MNS1: variants seen among roughly 807,000 people sequenced by gnomAD.
MNS1 encodes the protein meiosis specific nuclear structural 1, also known as meiosis-specific nuclear structural protein 1.
MNS1 carries 63 observed loss-of-function variants against 72.0 expected under a neutral mutation model. That is an observed-to-expected ratio of 0.87 (90% CI 0.71 to 1.08). The LOEUF (loss-of-function observed/expected upper bound fraction) is 1.08, where lower values mean the gene tolerates loss of function less well. Among genes scored for constraint, MNS1 ranks in the 50% least tolerant of loss-of-function variants. The probability of loss-of-function intolerance (pLI) is 0.00; values close to 1 mark genes in which losing one functional copy is unlikely to be tolerated. For synonymous variants in MNS1, 188 were observed against 172.1 expected, an observed-to-expected ratio of 1.09 and a Z score of -0.72; for missense variants, 604 against 562.4, an observed-to-expected ratio of 1.07 and a Z score of -0.75.
intron 3 of MNS1, among the ~76,000 whole-genome samples, chr15:56,449,204 A>C (rs2050930161): frequency 6.6e-6 from 1 of 152,104 alleles, no homozygotes; most frequent in Non-Finnish European, 1.5e-5. Flanking sequence ...AAGATGACTA[A>C]AAGCTGTCAG....
intron 2 of MNS1, among the ~76,000 whole-genome samples, chr15:56,461,196 A>G (rs2051018079): frequency 6.6e-6 from 1 of 152,154 alleles, no homozygotes; most frequent in Non-Finnish European, 1.5e-5. Flanking sequence ...ATGGATTTAA[A>G]TGCTAATCTC....
intron 3 of MNS1, among the ~76,000 whole-genome samples, chr15:56,451,269 C>G (rs1057145139): frequency 2.0e-5 from 3 of 152,196 alleles, no homozygotes; most frequent in Non-Finnish European, 2.9e-5. Context: ...AAGATCTGCT[C>G]TGCTCCTCCT....
In MNS1 at chr15:56,443,763, GTTTCT is replaced by G; in HGVS notation, c.773_777del (p.Lys258ThrfsTer2). 6.2e-7 allele frequency: 1 copy of G among 1,612,738 alleles called. No homozygotes were observed. The highest frequency in any genetic ancestry group is 8.5e-7 in the Non-Finnish European group (1 of 1,179,574). ...CTGTTTTCTTCTTCCATCTCCTCAC[GTTTCT>G]TTTTTCTCCAGAGAGCCTGCTCTTT... On this transcript the variant is annotated frameshift_variant, in exon 6 of 10. Transcript: ENST00000260453. LOFTEE classifies it high-confidence loss of function.
intron 2 of MNS1, among the ~76,000 whole-genome samples, chr15:56,460,027 T>TATATAC (rs2051010386): frequency 1.1e-5 from 1 of 90,948 alleles, no homozygotes; most frequent in East Asian, 2.9e-4. Context: ...TATATATATA[T>TATATAC]ATATATATGT....
intron 2 of MNS1, among the ~76,000 whole-genome samples, chr15:56,462,888 T>C (rs1482099651): frequency 6.6e-6 from 1 of 152,162 alleles, no homozygotes; most frequent in African/African-American, 2.4e-5. Context: ...TGGGATATTC[T>C]TTCAAATTAA....
In MNS1 at chr15:56,428,845, G is replaced by T. The variant is rs2050456516; in HGVS notation, c.*256C>A. On this transcript the variant is annotated 3_prime_UTR_variant, in exon 10 of 10. Transcript: ENST00000260453. ...CTGTATTAGTCAAGGTAAATATACT[G>T]TCTTGAGGATGGGGATGCAAACAGT... The T allele has an allele frequency of 4.8e-6, 2 of 418,856 alleles. No homozygotes were observed. Among genetic ancestry groups the T allele is most frequent in the South Asian group, 7.8e-5 (2 of 25,668 alleles). The allele number at this position is 418,856 out of a possible 1,614,324, so 25.9% of individuals were successfully genotyped here.
intron 8 of MNS1, among the ~76,000 whole-genome samples, chr15:56,432,466 T>C (rs795790): frequency 0.42 from 63,686 of 152,000 alleles, 13,905 homozygotes; most frequent in Middle Eastern, 0.55. Context: ...TTAGACCTTA[T>C]AGGATTGTAT....
chr15:56,429,571 T>G (rs1194943446), intron 9 of MNS1: 2 of 156,310 alleles, frequency 1.3e-5, no homozygotes, highest in African/African-American at 4.8e-5. Context: ...GATTCATGCA[T>G]GGGATTAGTT....
chr15:56,437,643 GGGT>G (rs2050750076), intron 7 of MNS1, among the ~76,000 whole-genome samples: 1 of 152,116 alleles, frequency 6.6e-6, no homozygotes, highest in Non-Finnish European at 1.5e-5. Context: ...AAGAAAGAAA[GGGT>G]ATTCAATTAG....
At position 56,443,872 on chromosome 15, in the gene MNS1, G is replaced by T; in HGVS notation, c.687-18C>A. 3 of 1,545,272 alleles carry T rather than the reference G, an allele frequency of 1.9e-6. No homozygotes were observed. The highest frequency in any genetic ancestry group is 2.6e-6 in the Non-Finnish European group (3 of 1,138,222). On this transcript the variant is annotated intron_variant, in intron 5 of 9. Transcript: ENST00000260453. Reference sequence around the variant, plus strand: ...GTTTTTCCCTGAAAAGCAATAACAAGTACAGATTTATAGTAAACAATAAAA... The same window carrying T: ...GTTTTTCCCTGAAAAGCAATAACAATTACAGATTTATAGTAAACAATAAAA...
intron 3 of MNS1, among the ~76,000 whole-genome samples, chr15:56,452,108 C>T (rs371993826): frequency 3.3e-5 from 5 of 152,168 alleles, no homozygotes; most frequent in Non-Finnish European, 7.4e-5. Flanking sequence ...TCTCTCTTCT[C>T]TCCTGTTTGC....
chr15:56,452,448 C>T (rs754525970), intron 3 of MNS1, among the ~76,000 whole-genome samples: 1 of 151,974 alleles, frequency 6.6e-6, no homozygotes, highest in African/African-American at 2.4e-5. Context: ...CTACTTAGAA[C>T]GTACCAATAT....
chr15:56,439,276 ATAAAG>A (rs2050779913), intron 7 of MNS1, among the ~76,000 whole-genome samples: 2 of 152,160 alleles, frequency 1.3e-5, no homozygotes, highest in African/African-American at 4.8e-5. Flanking sequence ...AAAGATCTAA[ATAAAG>A]GGAGAGCCAA....
In MNS1 at chr15:56,458,154, G is replaced by T. The variant is rs28762379; in HGVS notation, c.226-1633C>A. 2.8e-3 allele frequency among the ~76,000 whole-genome samples: 426 copies of T among 152,128 alleles called. 1 individual carries two copies. The highest frequency in any genetic ancestry group is 9.8e-3 in the African/African-American group (405 of 41,502). The stretch of plus-strand genomic sequence containing the variant: ...TTGATGCCATTTATGTAACATTCTT[G>T]GTACATGTTATTTTTTAATAATTGA... On this transcript the variant is annotated intron_variant, in intron 2 of 9. Coordinates refer to ENST00000260453, the MANE Select transcript of MNS1 (RefSeq NM_018365.4).
rs117123082 is a variant in MNS1, at chr15:56,453,822, A to T, written c.353+2572T>A. 5.4e-3 allele frequency among the ~76,000 whole-genome samples: 818 copies of T among 152,282 alleles called. 6 individuals carry two copies. The highest frequency in any genetic ancestry group is 8.8e-3 in the Non-Finnish European group (597 of 68,004). On this transcript the variant is annotated intron_variant, in intron 3 of 9. Transcript: ENST00000260453. ...CAATTAACAGGAGTCATGATTTCTG[A>T]GCTCAAAGAAATATTTTCAAAATAA...
intron 7 of MNS1, among the ~76,000 whole-genome samples, chr15:56,439,615 G>T (rs192885252): frequency 4.1e-4 from 63 of 152,146 alleles, no homozygotes; most frequent in Admixed American, 2.0e-3. Context: ...TTCAATGTTG[G>T]AGAAACAGCC....
intron 7 of MNS1, among the ~76,000 whole-genome samples, chr15:56,437,157 A>AC: frequency 6.6e-6 from 1 of 152,020 alleles, no homozygotes; most frequent in African/African-American, 2.4e-5. Flanking sequence ...CAGAGACACC[A>AC]CAAAAAAAAG....
At chr15:56,443,970 A>C in intron 5 of MNS1, 116 bp from the exon 6 acceptor site, 3 of 819,944 alleles carry the variant, frequency 3.7e-6, no homozygotes, top group Non-Finnish European at 5.4e-6. Context: ...TCGTGCATGC[A>C]ACAAACATTT....
chr15:56,440,012 C>A (rs2050792888), intron 7 of MNS1, among the ~76,000 whole-genome samples: 1 of 151,970 alleles, frequency 6.6e-6, no homozygotes, highest in Non-Finnish European at 1.5e-5. Context: ...TAACCACCCA[C>A]CTGACAAAGG....
Sources: allele counts gnomAD v4.1 joint callset (sites outside exome capture counted in the v4.1 genomes callset), GRCh38; gene constraint gnomAD v4.1.1; transcripts MANE v1.5; gene names NCBI Gene and HGNC (gene_info 2026-07-23, HGNC 2026-07-21).